Variants in KCTD16 observed in about 807,000 individuals in gnomAD.
KCTD16 encodes potassium channel tetramerization domain containing 16.
KCTD16 carries 13 observed loss-of-function variants against 33.2 expected under a neutral mutation model. That is an observed-to-expected ratio of 0.39 (90% confidence interval 0.25 to 0.62). The LOEUF (loss-of-function observed/expected upper bound fraction) is 0.62, where lower values mean the gene tolerates loss of function less well. KCTD16 is among the 20% of genes least tolerant of loss of function. The probability of loss-of-function intolerance (pLI) is 0.50; values close to 1 mark genes in which losing one functional copy is unlikely to be tolerated. For missense variants in KCTD16, 441 were observed against 525.1 expected, an observed-to-expected ratio of 0.84 and a Z score of 1.57; for synonymous variants, 197 against 195.3, an observed-to-expected ratio of 1.01 and a Z score of -0.07.
intron 3 of KCTD16, among the ~76,000 whole-genome samples, chr5:144,459,019 A>G (rs1561615648): frequency 6.6e-6 from 1 of 152,230 alleles, no homozygotes; most frequent in Non-Finnish European, 1.5e-5. Context: ...TGCAATGTCA[A>G]TCAAGTAGCC....
chr5:144,391,998 G>A (rs1287921839), intron 3 of KCTD16, among the ~76,000 whole-genome samples: 1 of 152,198 alleles, frequency 6.6e-6, no homozygotes, highest in Non-Finnish European at 1.5e-5. Context: ...TTCTCTTGGT[G>A]AATTTACAGA....
intron 3 of KCTD16, among the ~76,000 whole-genome samples, chr5:144,256,700 A>G (rs1389365660): frequency 6.6e-6 from 1 of 152,026 alleles, no homozygotes; most frequent in African/African-American, 2.4e-5. Context: ...GCACTACAAA[A>G]GCAACAAGAC....
chr5:144,274,931 C>T (rs13360374), intron 3 of KCTD16, among the ~76,000 whole-genome samples: 47,874 of 151,980 alleles, frequency 0.32, 7,879 homozygotes, highest in African/African-American at 0.4. Flanking sequence ...GAGCCAGCTC[C>T]GTTTAAATTG....
intron 3 of KCTD16, among the ~76,000 whole-genome samples, chr5:144,379,124 G>C (rs1319664797): frequency 4.6e-5 from 7 of 152,146 alleles, no homozygotes; most frequent in Non-Finnish European, 1.0e-4. Context: ...ATTATGAAAT[G>C]TTTGAGGCAG....
intron 2 of KCTD16, among the ~76,000 whole-genome samples, chr5:144,193,368 AC>A (rs1752879854): frequency 6.6e-6 from 1 of 152,010 alleles, no homozygotes; most frequent in Non-Finnish European, 1.5e-5. Flanking sequence ...GGTTCCTTGA[AC>A]AAGCCGAGCT....
At chr5:144,358,821 G>C (rs955258749) in intron 3 of KCTD16, among the ~76,000 whole-genome samples, 3 of 152,108 alleles carry the variant, frequency 2.0e-5, no homozygotes, top group Non-Finnish European at 2.9e-5. Context: ...AGCTCCTTTG[G>C]GCCTCTTTTA....
In KCTD16 at chr5:144,476,757, C is replaced by G. The variant is rs1256803679; in HGVS notation, c.*2643C>G. 2 of 152,146 alleles carry G rather than the reference C, an allele frequency of 1.3e-5. No individual in the cohort carries two copies. Among genetic ancestry groups the G allele is most frequent in the African/African-American group, 4.8e-5 (2 of 41,442 alleles). 9.4% of individuals were successfully genotyped at this position (152,146 alleles called of 1,614,324 possible). On this transcript the variant is annotated 3_prime_UTR_variant, in exon 4 of 4. Coordinates refer to ENST00000512467, the MANE Select transcript of KCTD16 (RefSeq NM_020768.4). ...AGTGAGGTCCAGGTAGCCTGCAACA[C>G]TGGAAATGAGTTCTGGGTAAGTGAG...
intron 3 of KCTD16, among the ~76,000 whole-genome samples, chr5:144,426,413 T>C (rs1753330557): frequency 6.6e-6 from 1 of 152,138 alleles, no homozygotes; most frequent in Non-Finnish European, 1.5e-5. Flanking sequence ...CTCACCAGAA[T>C]CACCCTTAAT....
chr5:144,458,762 C>T (rs1754128820), intron 3 of KCTD16, among the ~76,000 whole-genome samples: 2 of 152,164 alleles, frequency 1.3e-5, no homozygotes, highest in South Asian at 2.1e-4. Context: ...TCCTCCTGTT[C>T]CTAAGAGCCC....
chr5:144,462,684 C>CA (rs895991840), intron 3 of KCTD16, among the ~76,000 whole-genome samples: 4 of 151,262 alleles, frequency 2.6e-5, no homozygotes, highest in Non-Finnish European at 1.5e-5. Flanking sequence ...ATTAAAAAAA[C>CA]AAAAAACAGA....
At chr5:144,429,434 G>A (rs1238438805) in intron 3 of KCTD16, among the ~76,000 whole-genome samples, 1 of 152,124 alleles carries the variant, frequency 6.6e-6, no homozygotes, top group East Asian at 1.9e-4. Flanking sequence ...AGTTCAGGTA[G>A]TGAACTAACA....
chr5:144,254,758 C>A (rs1304737273), intron 3 of KCTD16, among the ~76,000 whole-genome samples: 1 of 151,928 alleles, frequency 6.6e-6, no homozygotes, highest in Non-Finnish European at 1.5e-5. Flanking sequence ...TAAGTGGAAG[C>A]ATGCAGTATT....
chr5:144,482,835 A>G lies in KCTD16; in HGVS notation c.*8721A>G, dbSNP rs907429462. On this transcript the variant is annotated 3_prime_UTR_variant, in exon 4 of 4. Transcript: ENST00000512467. ...TATAGCTGTACATATGTATACACCC[A>G]TAAACAAAGCTCATAGTTTAAAACT... 3 of 151,868 alleles carry G rather than the reference A, an allele frequency of 2.0e-5. No homozygotes were observed. Among genetic ancestry groups the G allele is most frequent in the African/African-American group, 7.2e-5 (3 of 41,474 alleles). 9.4% of individuals were successfully genotyped at this position (151,868 alleles called of 1,614,324 possible).
intron 2 of KCTD16, among the ~76,000 whole-genome samples, chr5:144,189,493 C>A (rs1200660090): frequency 2.1e-5 from 2 of 96,604 alleles, no homozygotes; most frequent in Non-Finnish European, 3.9e-5. Flanking sequence ...GAGACTCCAT[C>A]TCAAAAAAAA....
intron 3 of KCTD16, among the ~76,000 whole-genome samples, chr5:144,282,766 G>A (rs1308170598): frequency 2.0e-5 from 3 of 152,054 alleles, no homozygotes; most frequent in South Asian, 4.1e-4. Context: ...TTATGACTGG[G>A]TCTGACTTTA....
chr5:144,206,903 T>G lies in KCTD16; in HGVS notation c.189T>G (p.Asn63Lys), dbSNP rs752160868. Residue 63 changes from asparagine to lysine, a missense_variant, in exon 3 of 4, where the codon AAT becomes AAG. Asn to Lys is a moderately conservative substitution (Grantham distance 94). Coordinates refer to ENST00000512467, the MANE Select transcript of KCTD16 (RefSeq NM_020768.4). ...KMFSPKRDTANDLAKDSKGRF... is the reference protein window; with the variant it reads ...KMFSPKRDTAKDLAKDSKGRF... ...TTTCCCCAAAGAGAGACACGGCTAA[T>G]GATCTAGCCAAGGACTCCAAGGGAA... The G allele has an allele frequency of 6.2e-7, 1 of 1,614,182 alleles. No homozygotes were observed. Among genetic ancestry groups the G allele is most frequent in the Non-Finnish European group, 8.5e-7 (1 of 1,180,034 alleles).
chr5:144,445,864 T>A (rs751640859), intron 3 of KCTD16, among the ~76,000 whole-genome samples: 1 of 151,960 alleles, frequency 6.6e-6, no homozygotes, highest in South Asian at 2.1e-4. Context: ...TGAGGACTTA[T>A]GGGGGCTAAA....
At chr5:144,255,013 C>T (rs540175246) in intron 3 of KCTD16, among the ~76,000 whole-genome samples, 5 of 152,242 alleles carry the variant, frequency 3.3e-5, no homozygotes, top group Admixed American at 6.5e-5. Flanking sequence ...GATCCTCCCA[C>T]CTTGGTCTCC....
At chr5:144,292,868 C>T (rs752467922) in intron 3 of KCTD16, among the ~76,000 whole-genome samples, 3 of 152,032 alleles carry the variant, frequency 2.0e-5, no homozygotes, top group African/African-American at 4.8e-5. Flanking sequence ...GCTAGGATTC[C>T]GGGTTGCACA....
Sources: gnomAD v4.1 joint callset for allele counts (sites outside exome capture counted in the v4.1 genomes callset) on GRCh38, gnomAD v4.1.1 for gene constraint, MANE v1.5 for transcripts, NCBI Gene and HGNC (gene_info 2026-07-23, HGNC 2026-07-21) for gene names.